CCL28: variants seen among roughly 807,000 people sequenced by gnomAD.
The protein encoded by CCL28 is C-C motif chemokine 28.
CCL28 carries 4 observed loss-of-function variants against 7.1 expected under a neutral mutation model. The ratio of observed to expected loss-of-function variants is 0.56; its 90% CI spans 0.28 to 1.29. CCL28 has a LOEUF of 1.29. CCL28 is among the 50% of genes most tolerant of loss of function. The probability of loss-of-function intolerance (pLI) is 0.11; values close to 1 mark genes in which losing one functional copy is unlikely to be tolerated. For missense variants in CCL28, 151 were observed against 163.4 expected (o/e 0.92, Z 0.41); for synonymous variants, 55 against 57.8 (o/e 0.95, Z 0.22).
downstream of CCL28, among the ~76,000 whole-genome samples, chr5:43,378,546 A>G (rs1183723870): frequency 6.6e-6 from 1 of 152,254 alleles, no homozygotes; most frequent in African/African-American, 2.4e-5. Context: ...CTCATAATAC[A>G]GTAACTCATG....
chr5:43,361,882 C>A, the CCL28 span, among the ~76,000 whole-genome samples: 1,091 of 150,800 alleles, frequency 7.2e-3, 7 homozygotes, highest in Middle Eastern at 0.034. Context: ...CAGTACTATG[C>A]TGTTTCAGTT....
At chr5:43,367,902 A>T in the CCL28 span, among the ~76,000 whole-genome samples, 1 of 152,232 alleles carries the variant, frequency 6.6e-6, no homozygotes, top group African/African-American at 2.4e-5. Flanking sequence ...AGAAATGGGC[A>T]TTTCTGATAT....
At chr5:43,398,122 T>C (rs1409802004) in intron 1 of CCL28, among the ~76,000 whole-genome samples, 1 of 152,264 alleles carries the variant, frequency 6.6e-6, no homozygotes, top group East Asian at 1.9e-4. Flanking sequence ...GCTGCCTGCA[T>C]TGTATCAGTC....
chr5:43,387,587 T>C (rs1740390588), intron 2 of CCL28, among the ~76,000 whole-genome samples: 1 of 152,184 alleles, frequency 6.6e-6, no homozygotes, highest in Non-Finnish European at 1.5e-5. Flanking sequence ...CCACGCTTCT[T>C]TTTGAACCTT....
At chr5:43,364,070 C>T in the CCL28 span, among the ~76,000 whole-genome samples, 1 of 152,200 alleles carries the variant, frequency 6.6e-6, no homozygotes, top group African/African-American at 2.4e-5. Context: ...TCAACTTCAG[C>T]AAAATCTTAT....
the CCL28 span, among the ~76,000 whole-genome samples, chr5:43,361,949 T>C: frequency 2.9e-5 from 1 of 34,466 alleles, no homozygotes; most frequent in Non-Finnish European, 6.5e-5. Context: ...CAGCTTTGTT[T>C]TTTTGCTTAG....
At chr5:43,368,327 C>T in the CCL28 span, among the ~76,000 whole-genome samples, 2 of 152,138 alleles carry the variant, frequency 1.3e-5, no homozygotes, top group Admixed American at 6.6e-5. Flanking sequence ...CCGCAATATC[C>T]TTTTTCCCCA....
chr5:43,393,419 A>G (rs1446103384), intron 1 of CCL28, among the ~76,000 whole-genome samples: 2 of 151,848 alleles, frequency 1.3e-5, no homozygotes, highest in African/African-American at 4.8e-5. Flanking sequence ...CAGTGGCACA[A>G]TCTCGGCTCA....
At chr5:43,383,980 C>T in intron 2 of CCL28, 1 of 184,232 alleles carries the variant, frequency 5.4e-6, no homozygotes, top group Non-Finnish European at 1.2e-5. Flanking sequence ...ATCCCAGCTA[C>T]TTGGAAGGCT....
At position 43,383,166 on chromosome 5, in the gene CCL28, T is replaced by A. The variant is rs188645469; in HGVS notation, c.192-1114A>T. ...TTTTCACAGTGGGCTGGGAGAATGC[T>A]ACAGCATGCACAGTTTCTGGTAACT... On this transcript the variant is annotated intron_variant, in intron 2 of 2. Transcript: ENST00000361115. Among the ~76,000 whole-genome samples, 342 of 152,322 alleles carry A rather than the reference T, an allele frequency of 2.2e-3. 2 individuals carry two copies. Among genetic ancestry groups the A allele is most frequent in the African/African-American group, 7.9e-3 (330 of 41,568 alleles).
the CCL28 span, among the ~76,000 whole-genome samples, chr5:43,362,198 A>T: frequency 3.9e-5 from 6 of 152,126 alleles, no homozygotes; most frequent in African/African-American, 1.2e-4. Context: ...TACTCATTGT[A>T]GAGATCTTTC....
chr5:43,364,307 G>GTC, the CCL28 span, among the ~76,000 whole-genome samples: 2 of 151,558 alleles, frequency 1.3e-5, no homozygotes, highest in Non-Finnish European at 2.9e-5. Context: ...AACTATATAT[G>GTC]TGTGTGTGTG....
chr5:43,399,429 C>A (rs1433245217), intron 1 of CCL28, among the ~76,000 whole-genome samples: 1 of 152,172 alleles, frequency 6.6e-6, no homozygotes, highest in Admixed American at 6.5e-5. Context: ...TTAGTCTTTA[C>A]CATGTATGAC....
At chr5:43,362,859 G>T in the CCL28 span, among the ~76,000 whole-genome samples, 1 of 152,094 alleles carries the variant, frequency 6.6e-6, no homozygotes, top group Non-Finnish European at 1.5e-5. Flanking sequence ...CATACCAAGT[G>T]GTTCATCCAA....
At chr5:43,399,631 T>A (rs1010168320) in intron 1 of CCL28, among the ~76,000 whole-genome samples, 1 of 152,230 alleles carries the variant, frequency 6.6e-6, no homozygotes, top group Non-Finnish European at 1.5e-5. Flanking sequence ...TTTGCTTTTT[T>A]TCTAGGAATA....
At chr5:43,387,570 G>A (rs763204797) in intron 2 of CCL28, among the ~76,000 whole-genome samples, 16 of 152,218 alleles carry the variant, frequency 1.1e-4, no homozygotes, top group Non-Finnish European at 1.9e-4. Context: ...GACAGGTATA[G>A]ATATTTCCAC....
At chr5:43,400,351 T>C (rs916554987) in intron 1 of CCL28, among the ~76,000 whole-genome samples, 2 of 152,166 alleles carry the variant, frequency 1.3e-5, no homozygotes, top group African/African-American at 2.4e-5. Context: ...AGTTAGATTC[T>C]GGGTTTTGTT....
intron 1 of CCL28, among the ~76,000 whole-genome samples, chr5:43,397,871 C>A (rs184448061): frequency 6.6e-6 from 1 of 151,562 alleles, no homozygotes; most frequent in Non-Finnish European, 1.5e-5. Flanking sequence ...CTTTTTTTTG[C>A]GTTTTTAAAT....
downstream of CCL28, among the ~76,000 whole-genome samples, chr5:43,378,095 C>T (rs1739960903): frequency 1.3e-5 from 2 of 152,272 alleles, no homozygotes; most frequent in South Asian, 4.1e-4. Flanking sequence ...GTAATCCTAG[C>T]ACTTTGGGAG....
Sources: allele counts gnomAD v4.1 joint callset (sites outside exome capture counted in the v4.1 genomes callset), GRCh38; gene constraint gnomAD v4.1.1; transcripts MANE v1.5; gene names NCBI Gene and HGNC (gene_info 2026-07-23, HGNC 2026-07-21).